The following SPTBN1 variants were observed in gnomAD, a reference collection of about 807,000 sequenced individuals.
The protein encoded by SPTBN1 is spectrin beta, non-erythrocytic 1.
Under a neutral mutation model 266.4 loss-of-function variants are expected in SPTBN1, and 32 were observed. The observed-to-expected ratio is 0.12, with a 90% CI of 0.09 to 0.16. SPTBN1 has a LOEUF of 0.16. SPTBN1 is among the 10% of genes least tolerant of loss of function. SPTBN1 has a pLI of 1.00. For missense variants in SPTBN1, 2,296 were observed against 3,067.1 expected, an observed-to-expected ratio of 0.75 and a Z score of 5.94; for synonymous variants, 1,336 against 1,162.2, an observed-to-expected ratio of 1.15 and a Z score of -3.04.
chr2:54,486,615 C>G (rs888257893), intron 1 of SPTBN1, among the ~76,000 whole-genome samples: 1 of 152,022 alleles, frequency 6.6e-6, no homozygotes, highest in African/African-American at 2.4e-5. Flanking sequence ...CCTAGGAAAA[C>G]CAGAGACCTT....
intron 2 of SPTBN1, among the ~76,000 whole-genome samples, chr2:54,597,244 T>C (rs187633228): frequency 6.6e-6 from 1 of 152,346 alleles, no homozygotes; most frequent in Non-Finnish European, 1.5e-5. Flanking sequence ...TATTCTGCTC[T>C]AGACCTGCTC....
At chr2:54,643,232 A>G in intron 19 of SPTBN1, 103 bp downstream of exon 19, 1 of 1,492,694 alleles carries the variant, frequency 6.7e-7, no homozygotes, top group Non-Finnish European at 9.0e-7. Flanking sequence ...TCTTATCTGT[A>G]CATTTACGTA....
chr2:54,513,350 T>C (rs1052561888), intron 1 of SPTBN1, among the ~76,000 whole-genome samples: 2 of 152,230 alleles, frequency 1.3e-5, no homozygotes, highest in East Asian at 1.9e-4. Context: ...TTCCAGGTAA[T>C]TGAGATATGC....
chr2:54,581,361 A>C (rs1256503443), intron 2 of SPTBN1, among the ~76,000 whole-genome samples: 1 of 152,136 alleles, frequency 6.6e-6, no homozygotes, highest in African/African-American at 2.4e-5. Flanking sequence ...AGGATTCTCC[A>C]TAGGGTCGTC....
chr2:54,636,046 A>G (rs1477586007), intron 17 of SPTBN1, among the ~76,000 whole-genome samples: 2 of 152,206 alleles, frequency 1.3e-5, no homozygotes, highest in African/African-American at 2.4e-5. Context: ...AATGTCTGAC[A>G]TTTTCAAGGG....
chr2:54,493,742 G>A (rs1668815802), intron 1 of SPTBN1, among the ~76,000 whole-genome samples: 1 of 152,208 alleles, frequency 6.6e-6, no homozygotes, highest in South Asian at 2.1e-4. Flanking sequence ...AATTGAAGAA[G>A]AGGGTCCAAG....
Position 54,576,851 on chromosome 2 carries a change from C to A in SPTBN1, c.149-22241C>A, listed in dbSNP as rs551038750. Among the ~76,000 whole-genome samples, 17 of 152,286 alleles carry A rather than the reference C, an allele frequency of 1.1e-4. No individual in the cohort carries two copies. The South Asian group carries it at 3.5e-3, about 32-fold the overall frequency. ...TGAAAGGGAATACTAGGTAAGTGAT[C>A]CCAAACATGCAAATATCATTCCTTG... is the stretch of plus-strand genomic sequence containing the variant. On this transcript the variant is annotated intron_variant, in intron 2 of 35. Coordinates refer to ENST00000356805, the MANE Select transcript of SPTBN1 (RefSeq NM_003128.3).
intron 1 of SPTBN1, among the ~76,000 whole-genome samples, chr2:54,475,887 A>T (rs1056741214): frequency 6.6e-6 from 1 of 152,182 alleles, no homozygotes. Flanking sequence ...ATTAGTCCAT[A>T]CCAGAGTGTT....
intron 2 of SPTBN1, among the ~76,000 whole-genome samples, chr2:54,580,211 C>A (rs947337155): frequency 6.6e-6 from 1 of 152,076 alleles, no homozygotes; most frequent in Non-Finnish European, 1.5e-5. Context: ...AAAGTAAAAC[C>A]CCTTTTGAAG....
intron 19 of SPTBN1, 119 bp downstream of exon 19, chr2:54,643,248 C>G: frequency 1.4e-6 from 2 of 1,421,634 alleles, no homozygotes; most frequent in South Asian, 2.8e-5. Flanking sequence ...ACGTAAGTTA[C>G]ACAGCCAGTA....
chr2:54,602,853 T>G (rs1676590470), intron 3 of SPTBN1, among the ~76,000 whole-genome samples: 1 of 152,218 alleles, frequency 6.6e-6, no homozygotes, highest in African/African-American at 2.4e-5. Context: ...TGCTCTGAGT[T>G]TTTTCATAAA....
In SPTBN1 at chr2:54,664,754, C is replaced by A. The variant is rs41281497; in HGVS notation, c.6659+63C>A. 64,985 of 1,519,504 alleles carry A rather than the reference C, an allele frequency of 0.043. 1,754 individuals are homozygous for A. Among genetic ancestry groups the A allele is most frequent in the Admixed American group, 0.11 (6,514 of 56,726 alleles). 94.1% of individuals were successfully genotyped at this position (1,519,504 alleles called of 1,614,324 possible). Reference sequence around the variant, plus strand: ...TCAGCCTGTGAAGGGATAAGGCGGGCCACTCTTGAATTGGAAGAGAAGTAT... The same window carrying A: ...TCAGCCTGTGAAGGGATAAGGCGGGACACTCTTGAATTGGAAGAGAAGTAT... On this transcript the variant is annotated intron_variant, in intron 33 of 35. Coordinates refer to ENST00000356805, the MANE Select transcript of SPTBN1 (RefSeq NM_003128.3). The surrounding 1 kb of genome is among the most constrained non-coding windows in gnomAD (Gnocchi z 5.6).
intron 18 of SPTBN1, among the ~76,000 whole-genome samples, chr2:54,641,988 C>T (rs1195433246): frequency 6.6e-6 from 1 of 152,176 alleles, no homozygotes; most frequent in African/African-American, 2.4e-5. Flanking sequence ...GGGCTTCTCA[C>T]GGTCACTCAG....
In SPTBN1 at chr2:54,628,321, C is replaced by A; in HGVS notation, c.1798+71C>A. 1 of 1,482,478 alleles carries A rather than the reference C, an allele frequency of 6.7e-7. No individual in the cohort carries two copies. Among genetic ancestry groups the A allele is most frequent in the Non-Finnish European group, 9.0e-7 (1 of 1,114,120 alleles). The allele number at this position is 1,482,478 out of a possible 1,614,324, so 91.8% of individuals were successfully genotyped here. On this transcript the variant is annotated intron_variant, in intron 13 of 35. Coordinates refer to ENST00000356805, the MANE Select transcript of SPTBN1 (RefSeq NM_003128.3). The surrounding 1 kb of genome is among the most constrained non-coding windows in gnomAD (Gnocchi z 4.3). ...TCATATTTATAGAAACACAGTGGGG[C>A]TTTTGAAGTTACTGTGCCACTATAC... is the stretch of plus-strand genomic sequence containing the variant.
At position 54,625,043 on chromosome 2, in the gene SPTBN1, A is replaced by AG. The variant is rs961777795; in HGVS notation, c.1341+83dup. 1.8e-5 allele frequency: 26 copies of AG among 1,465,774 alleles called. No individual in the cohort carries two copies. In the African/African-American group the frequency reaches 3.6e-4, roughly 20 times the overall value. The allele number at this position is 1,465,774 out of a possible 1,614,324, so 90.8% of individuals were successfully genotyped here. On this transcript the variant is annotated intron_variant, in intron 11 of 35. Coordinates refer to ENST00000356805, the MANE Select transcript of SPTBN1 (RefSeq NM_003128.3). Reference sequence around the variant, plus strand: ...ACCATCCCCAGGGGCATAGGGCCAGAGGACAGCTGCTTATCGACATTCATT... The same window carrying AG: ...ACCATCCCCAGGGGCATAGGGCCAGAGGGACAGCTGCTTATCGACATTCATT...
Position 54,631,458 on chromosome 2 carries a change from C to T in SPTBN1, c.3411C>T (p.Tyr1137=), listed in dbSNP as rs1678726787. 2 of 1,614,260 alleles carry T rather than the reference C, an allele frequency of 1.2e-6. No homozygotes were observed. Among genetic ancestry groups the T allele is most frequent in the South Asian group, 2.2e-5 (2 of 91,088 alleles). Reference sequence around the variant, plus strand: ...CCCAGGGGCAGACCGATGCCCAGTACATGTTTCTGCGGCAGCGGCTGCAGG... The same window carrying T: ...CCCAGGGGCAGACCGATGCCCAGTATATGTTTCTGCGGCAGCGGCTGCAGG... ...MVTQGQTDAQ[Y]MFLRQRLQAL... The change falls in exon 16 of 36, where the codon TAC becomes TAT. Residue 1137 remains tyrosine, a synonymous_variant. Transcript: ENST00000356805.
At chr2:54,516,688 T>C (rs1670126295) in intron 1 of SPTBN1, among the ~76,000 whole-genome samples, 1 of 152,204 alleles carries the variant, frequency 6.6e-6, no homozygotes, top group Non-Finnish European at 1.5e-5. Flanking sequence ...AAAGTGACTC[T>C]AGAAGTGTGA....
intron 3 of SPTBN1, among the ~76,000 whole-genome samples, chr2:54,605,281 C>T (rs1428457010): frequency 6.6e-6 from 1 of 152,194 alleles, no homozygotes; most frequent in Non-Finnish European, 1.5e-5. Flanking sequence ...CTTCCTTTCA[C>T]ATGGAAGCAT....
chr2:54,634,020 G>A (rs1028059846), intron 17 of SPTBN1, among the ~76,000 whole-genome samples: 2 of 152,206 alleles, frequency 1.3e-5, no homozygotes, highest in East Asian at 1.9e-4. Flanking sequence ...CCTTAAATGA[G>A]CATGAGAAAC....
Sources: gnomAD v4.1 joint callset for allele counts (sites outside exome capture counted in the v4.1 genomes callset) on GRCh38, gnomAD v4.1.1 for gene constraint, Gnocchi (gnomAD v3.1) non-coding constraint, MANE v1.5 for transcripts, NCBI Gene and HGNC (gene_info 2026-07-23, HGNC 2026-07-21) for gene names.